Variants in RAB6B observed in about 807,000 individuals in gnomAD.
RAB6B encodes the protein RAB6B, member RAS oncogene family, also known as ras-related protein Rab-6B.
A neutral mutation model predicts 31.2 loss-of-function variants in RAB6B; 7 were observed. The observed-to-expected ratio is 0.22, with a 90% CI of 0.13 to 0.42. The LOEUF is 0.42. Ranked by LOEUF, RAB6B falls within the 10% of genes least tolerant of loss-of-function variation. The pLI is 1.00. For synonymous variants in RAB6B, 105 were observed against 104.9 expected (o/e 1.00, Z -0.01); for missense variants, 149 against 280.6 (o/e 0.53, Z 3.35).
intron 1 of RAB6B, among the ~76,000 whole-genome samples, chr3:133,865,335 A>T (rs1936222515): frequency 6.6e-6 from 1 of 152,354 alleles, no homozygotes; most frequent in African/African-American, 2.4e-5. Context: ...ACTGAGAACA[A>T]CTGGAACAGC....
intron 1 of RAB6B, among the ~76,000 whole-genome samples, chr3:133,880,953 T>C (rs973595623): frequency 6.6e-6 from 1 of 152,144 alleles, no homozygotes; most frequent in African/African-American, 2.4e-5. Flanking sequence ...AAAATGCACT[T>C]AGATCCCAAG....
chr3:133,839,448 G>T, intron 5 of RAB6B, 58 bp downstream of exon 5: 2 of 1,427,100 alleles, frequency 1.4e-6, no homozygotes, highest in Non-Finnish European at 9.9e-7. Flanking sequence ...TCCCTGTCCA[G>T]GAGCAGTTAC....
At chr3:133,877,073 G>A (rs1469034615) in intron 1 of RAB6B, among the ~76,000 whole-genome samples, 1 of 152,130 alleles carries the variant, frequency 6.6e-6, no homozygotes, top group Non-Finnish European at 1.5e-5. Context: ...AACAGAGGAG[G>A]GGAGCCCCAC....
intron 1 of RAB6B, among the ~76,000 whole-genome samples, chr3:133,879,798 G>A (rs537591307): frequency 7.2e-5 from 11 of 152,308 alleles, no homozygotes; most frequent in African/African-American, 2.6e-4. Context: ...TCAAAAAGGA[G>A]CAGGATCTTT....
chr3:133,874,986 C>T (rs1487333310), intron 1 of RAB6B, among the ~76,000 whole-genome samples: 1 of 152,156 alleles, frequency 6.6e-6, no homozygotes, highest in Non-Finnish European at 1.5e-5. Flanking sequence ...AACAATACTG[C>T]TTTCTGGAGG....
chr3:133,848,653 G>C (rs1056683779), intron 2 of RAB6B, among the ~76,000 whole-genome samples: 1 of 152,100 alleles, frequency 6.6e-6, no homozygotes, highest in Non-Finnish European at 1.5e-5. Flanking sequence ...AGAGAAAAAG[G>C]GGCCCAAACT....
chr3:133,871,704 A>G (rs1360189598), intron 1 of RAB6B, among the ~76,000 whole-genome samples: 1 of 152,242 alleles, frequency 6.6e-6, no homozygotes, highest in Non-Finnish European at 1.5e-5. Context: ...TAAGGGCCAG[A>G]AACTGGGGAG....
At chr3:133,851,013 T>C (rs1309180949) in intron 2 of RAB6B, among the ~76,000 whole-genome samples, 1 of 141,350 alleles carries the variant, frequency 7.1e-6, no homozygotes, top group Non-Finnish European at 1.5e-5. Context: ...AATAAAAGTG[T>C]TCAAGAAAAA....
rs140244553 is a variant in RAB6B, at chr3:133,872,955, T to C, written c.71-8313A>G. Among the ~76,000 whole-genome samples, 556 of 152,228 alleles carry C rather than the reference T, an allele frequency of 3.7e-3. 1 individual carries two copies. The highest frequency in any genetic ancestry group is 0.027 in the Middle Eastern group (8 of 294). On this transcript the variant is annotated intron_variant, in intron 1 of 7. Transcript: ENST00000285208. Reference sequence around the variant, plus strand: ...AGGGAGGGAGGGGTTAGCCAGACAGTGGCACAGGCTGGTCTGGCCCAGGCC... The same window carrying C: ...AGGGAGGGAGGGGTTAGCCAGACAGCGGCACAGGCTGGTCTGGCCCAGGCC...
chr3:133,827,746 A>AACCCC lies in RAB6B; in HGVS notation c.*1041_*1042insGGGGT. The AACCCC allele has an allele frequency of 6.9e-5, 5 of 72,112 alleles. No homozygotes were observed. Among genetic ancestry groups the AACCCC allele is most frequent in the Non-Finnish European group, 8.2e-5 (3 of 36,594 alleles). The allele number at this position is 72,112 out of a possible 1,614,324, so 4.5% of individuals were successfully genotyped here. The stretch of plus-strand genomic sequence containing the variant: ...TCAAGGTGGTGGTTCTGCAGACAAC[A>AACCCC]CCCCCCCCCCCCCCCGCCTCCCCAT... On this transcript the variant is annotated 3_prime_UTR_variant, in exon 8 of 8. Transcript: ENST00000285208.
intron 3 of RAB6B, 36 bp downstream of exon 3, chr3:133,841,574 T>C (rs1174058783): frequency 1.9e-6 from 3 of 1,609,836 alleles, no homozygotes; most frequent in Non-Finnish European, 1.7e-6. Flanking sequence ...AAAGGAACCC[T>C]CCCTGCCCCT....
rs1391941567 is a variant in RAB6B at position 133,825,203 on chromosome 3, T to C, written c.*3585A>G. On this transcript the variant is annotated 3_prime_UTR_variant, in exon 8 of 8. Transcript: ENST00000285208. Reference sequence around the variant, plus strand: ...TGACATCCTCACCTGCCTTCCATCTTGTGAAGGAATGAGGCTGCTCTACCT... The same window carrying C: ...TGACATCCTCACCTGCCTTCCATCTCGTGAAGGAATGAGGCTGCTCTACCT... 1 of 152,166 alleles carries C rather than the reference T, an allele frequency of 6.6e-6. No homozygotes were observed. The highest frequency in any genetic ancestry group is 1.5e-5 in the Non-Finnish European group (1 of 68,038). The allele number at this position is 152,166 out of a possible 1,614,324, so 9.4% of individuals were successfully genotyped here.
chr3:133,845,217 C>G (rs1935891307), intron 2 of RAB6B, among the ~76,000 whole-genome samples: 1 of 152,158 alleles, frequency 6.6e-6, no homozygotes, highest in African/African-American at 2.4e-5. Context: ...CCTGTAACCT[C>G]AACTTCAAAT....
At chr3:133,841,926 C>T (rs542634567) in intron 2 of RAB6B, among the ~76,000 whole-genome samples, 14 of 152,264 alleles carry the variant, frequency 9.2e-5, no homozygotes, top group South Asian at 2.1e-4. Flanking sequence ...GCAGTGAGAG[C>T]GCAGTGGTGA....
rs1935581404 is a variant in RAB6B, at chr3:133,827,375, T to C, written c.*1413A>G. The C allele has an allele frequency of 6.5e-6, 1 of 152,970 alleles. No homozygotes were observed. The allele number at this position is 152,970 out of a possible 1,614,324, so 9.5% of individuals were successfully genotyped here. A position where few individuals can be genotyped will look rare whatever the true frequency, so the allele number is the denominator to read the frequency against. ...CCATTGCACCTGGCTCTGTGCAGGC[T>C]CAGGGCAGTGAGTCTGAGTCTATTT... On this transcript the variant is annotated 3_prime_UTR_variant, in exon 8 of 8. Transcript: ENST00000285208.
rs575530058 is a variant in RAB6B, at chr3:133,890,959, G to T, written c.70+4438C>A. On this transcript the variant is annotated intron_variant, in intron 1 of 7. Transcript: ENST00000285208. ...AAAGCTATGCCATGGTGTGTGGCCA[G>T]GTGGGCTGGTAGCCCAGGGGAGCAG... Among the ~76,000 whole-genome samples, 128 of 152,366 alleles carry T rather than the reference G, an allele frequency of 8.4e-4. 1 individual carries two copies. The highest frequency in any genetic ancestry group is 6.2e-3 in the South Asian group (30 of 4,832).
chr3:133,855,499 A>G (rs962120135), intron 2 of RAB6B, among the ~76,000 whole-genome samples: 1 of 152,210 alleles, frequency 6.6e-6, no homozygotes, highest in Admixed American at 6.5e-5. Flanking sequence ...TTCAAATTTT[A>G]AATAAGGTTA....
chr3:133,846,482 C>T (rs763591799), intron 2 of RAB6B, among the ~76,000 whole-genome samples: 53 of 152,208 alleles, frequency 3.5e-4, no homozygotes, highest in Non-Finnish European at 5.7e-4. Context: ...CAATTAGAGT[C>T]TCAGGACAGT....
At chr3:133,855,464 C>T (rs577981053) in intron 2 of RAB6B, among the ~76,000 whole-genome samples, 29 of 152,342 alleles carry the variant, frequency 1.9e-4, no homozygotes, top group African/African-American at 7.0e-4. Flanking sequence ...TATTTCCTGA[C>T]TGTGGTCTGA....
Sources: gnomAD v4.1 joint callset for allele counts (sites outside exome capture counted in the v4.1 genomes callset) on GRCh38, gnomAD v4.1.1 for gene constraint, MANE v1.5 for transcripts, NCBI Gene and HGNC (gene_info 2026-07-23, HGNC 2026-07-21) for gene names.